The following PKP1 variants were observed in gnomAD, a reference collection of about 807,000 sequenced individuals.
PKP1 encodes the protein plakophilin 1.
In PKP1, 27 loss-of-function variants were observed where a neutral mutation model predicts 76.4. The observed-to-expected ratio is 0.35, with a 90% CI of 0.26 to 0.49. PKP1 has a LOEUF of 0.49. Among genes scored for constraint, PKP1 ranks in the 20% least tolerant of loss-of-function variants. The pLI is 0.99. For synonymous variants in PKP1, 404 were observed against 384.2 expected (o/e 1.05, Z -0.60); for missense variants, 964 against 955.2 (o/e 1.01, Z -0.12).
At chr1:201,324,614 A>G in intron 10 of PKP1, 33 bp downstream of exon 10, 1 of 1,611,938 alleles carries the variant, frequency 6.2e-7, no homozygotes, top group Non-Finnish European at 8.5e-7. Context: ...CCCTCTAGCT[A>G]AGACATGGCA....
At chr1:201,313,007 A>G (rs1656605374) in intron 2 of PKP1, among the ~76,000 whole-genome samples, 159 bp from the exon 3 acceptor site, 1 of 152,222 alleles carries the variant, frequency 6.6e-6, no homozygotes, top group Non-Finnish European at 1.5e-5. Flanking sequence ...TTAGAAAAGT[A>G]ATATATCAGA....
At chr1:201,305,122 G>A (rs553497384) in intron 2 of PKP1, among the ~76,000 whole-genome samples, 40 of 152,126 alleles carry the variant, frequency 2.6e-4, no homozygotes, top group Non-Finnish European at 4.6e-4. Flanking sequence ...GTGTGTGTCC[G>A]TGTGTGTGAG....
chr1:201,318,227 G>T (rs1255085083), intron 5 of PKP1, among the ~76,000 whole-genome samples: 1 of 152,208 alleles, frequency 6.6e-6, no homozygotes, highest in African/African-American at 2.4e-5. Context: ...GGGCTGGGAA[G>T]ATCAGACCAT....
rs1197579736 is a variant in PKP1 at position 201,330,302 on chromosome 1, G to A, written c.*261G>A. On this transcript the variant is annotated 3_prime_UTR_variant, in exon 14 of 14. Transcript: ENST00000367324. The stretch of plus-strand genomic sequence containing the variant: ...TGAGTTAAAGGGGCTTATATGTGAT[G>A]TCAATATTTCTTCCTCTGAGAAATG... 6.6e-6 allele frequency: 1 copy of A among 151,954 alleles called. No individual in the cohort carries two copies. Among genetic ancestry groups the A allele is most frequent in the East Asian group, 1.9e-4 (1 of 5,194 alleles). The allele number at this position is 151,954 out of a possible 1,614,324, so 9.4% of individuals were successfully genotyped here.
At chr1:201,322,209 C>T (rs1056937007) in intron 8 of PKP1, 76 bp downstream of exon 8, 1 of 1,499,140 alleles carries the variant, frequency 6.7e-7, no homozygotes, top group East Asian at 2.3e-5. Context: ...TCTGCCCTTT[C>T]CTCTGGGCCC....
Position 201,284,574 on chromosome 1 carries a change from C to G in PKP1, c.202+670C>G, listed in dbSNP as rs1203523895. On this transcript the variant is annotated intron_variant, in intron 1 of 13. Coordinates refer to ENST00000367324, the MANE Select transcript of PKP1 (RefSeq NM_001005337.3). ...GGCCTGGAACTCCAGGGCACTTTAT[C>G]GAGAGCCTCCTGAAAGAGGCTAGCC... 2.0e-5 allele frequency among the ~76,000 whole-genome samples: 3 copies of G among 152,194 alleles called. No homozygotes were observed. In the South Asian group the frequency reaches 6.2e-4, roughly 32 times the overall value.
At position 201,323,137 on chromosome 1, in the gene PKP1, C is replaced by T; in HGVS notation, c.1628C>T (p.Thr543Ile). 1.9e-6 allele frequency: 3 copies of T among 1,614,134 alleles called. No individual in the cohort carries two copies. Among genetic ancestry groups the T allele is most frequent in the Non-Finnish European group, 2.5e-6 (3 of 1,180,020 alleles). ...ATGGGCAAGAGCAAGAAAGATGCTACCCTGGAGGCCTGTGCTGGTGCCCTG... is the reference window on the plus strand; with the variant it reads ...ATGGGCAAGAGCAAGAAAGATGCTATCCTGGAGGCCTGTGCTGGTGCCCTG... ...NLMGKSKKDATLEACAGALQN... is the reference protein window; with the variant it reads ...NLMGKSKKDAILEACAGALQN... Residue 543 changes from threonine to isoleucine, a missense_variant, in exon 9 of 14, where the codon ACC (threonine) becomes ATC (isoleucine). Physicochemically the swap from Thr to Ile is moderately conservative, Grantham distance 89. Transcript: ENST00000367324.
chr1:201,288,798 A>G lies in PKP1; in HGVS notation c.202+4894A>G, dbSNP rs116515765. Reference sequence around the variant, plus strand: ...TGCTCCCATGCTCTGCCCAGTCCTCAGGCTTGGTGGTGGCCATGAACAGAT... The same window carrying G: ...TGCTCCCATGCTCTGCCCAGTCCTCGGGCTTGGTGGTGGCCATGAACAGAT... On this transcript the variant is annotated intron_variant, in intron 1 of 13. Transcript: ENST00000367324. Among the ~76,000 whole-genome samples, 1,209 of 151,832 alleles carry G rather than the reference A, an allele frequency of 8.0e-3. 18 individuals carry two copies. The highest frequency in any genetic ancestry group is 0.024 in the African/African-American group (1,001 of 41,386).
chr1:201,313,059 T>A (rs1306847014), intron 2 of PKP1, 107 bp from the exon 3 acceptor site: 3 of 1,185,112 alleles, frequency 2.5e-6, no homozygotes, highest in African/African-American at 1.5e-5. Context: ...TCTGGGATTC[T>A]GTAAGCGTTA....
chr1:201,287,644 T>C (rs1655779282), intron 1 of PKP1, among the ~76,000 whole-genome samples: 1 of 152,244 alleles, frequency 6.6e-6, no homozygotes, highest in South Asian at 2.1e-4. Context: ...AGAATTTCCG[T>C]TGGCCTGTTA....
At chr1:201,321,544 A>G (rs1473141349) in intron 7 of PKP1, among the ~76,000 whole-genome samples, 1 of 152,096 alleles carries the variant, frequency 6.6e-6, no homozygotes, top group Non-Finnish European at 1.5e-5. Flanking sequence ...ATCTAGAGGC[A>G]TGGGGCTTCT....
At chr1:201,285,794 TTGTG>T (rs1202099532) in intron 1 of PKP1, among the ~76,000 whole-genome samples, 1 of 152,230 alleles carries the variant, frequency 6.6e-6, no homozygotes, top group African/African-American at 2.4e-5. Context: ...GGCTTGGTCT[TTGTG>T]GGGAACTTCT....
Position 201,318,725 on chromosome 1 carries a change from G to A in PKP1, c.1162G>A (p.Asp388Asn), listed in dbSNP as rs141184851. ...CATCATTCCCTTCTCTGGCTGGTGC[G>A]ATGGCAATAGCAACATGTCCCGGGA... is the stretch of plus-strand genomic sequence containing the variant. Reference protein sequence around the residue: ...RVIIPFSGWCDGNSNMSREVV... With the variant: ...RVIIPFSGWCNGNSNMSREVV... Residue 388 changes from aspartate (D) to asparagine (N), a missense_variant, in exon 6 of 14, where the codon GAT becomes AAT. Transcript: ENST00000367324. The A allele has an allele frequency of 1.7e-5, 27 of 1,611,806 alleles. No individual in the cohort carries two copies. Among genetic ancestry groups the A allele is most frequent in the Middle Eastern group, 2.2e-4 (1 of 4,612 alleles).
At position 201,317,649 on chromosome 1, in the gene PKP1, A is replaced by C. The variant is rs1412087226; in HGVS notation, c.924A>C (p.Ala308=). The C allele has an allele frequency of 6.2e-7, 1 of 1,613,980 alleles. No homozygotes were observed. The highest frequency in any genetic ancestry group is 1.1e-5 in the South Asian group (1 of 91,076). ...SPNQNVQQAA[A]GALRNLVFRS... ...ACCAGAACGTCCAGCAGGCCGCGGC[A>C]GGGGCCCTGCGCAACCTGGTGTTCA... is the stretch of plus-strand genomic sequence containing the variant. The change falls in exon 5 of 14, where the codon GCA becomes GCC. Residue 308 remains alanine, a synonymous_variant. Transcript: ENST00000367324.
chr1:201,308,192 T>TGCTGGG (rs879673221), intron 2 of PKP1, among the ~76,000 whole-genome samples: 1,851 of 152,350 alleles, frequency 0.012, 16 homozygotes, highest in Non-Finnish European at 0.02. Flanking sequence ...CCCCATGCCG[T>TGCTGGG]GCACCGGCAC....
Position 201,328,877 on chromosome 1 carries a change from C to T in PKP1, c.*32+9C>T, listed in dbSNP as rs775506442. 1 of 1,518,586 alleles carries T rather than the reference C, an allele frequency of 6.6e-7. No homozygotes were observed. The highest frequency in any genetic ancestry group is 1.1e-5 in the South Asian group (1 of 89,152). 94.1% of individuals were successfully genotyped at this position (1,518,586 alleles called of 1,614,324 possible). On this transcript the variant is annotated intron_variant, in intron 13 of 13. Coordinates refer to ENST00000367324, the MANE Select transcript of PKP1 (RefSeq NM_001005337.3). ...GCAAGTTAGGCTTGCAGGTAAGAAT[C>T]ACCCCACCCTCAGGGATGCCTCTGG...
At chr1:201,302,017 G>A (rs1189127859) in intron 2 of PKP1, among the ~76,000 whole-genome samples, 1 of 152,196 alleles carries the variant, frequency 6.6e-6, no homozygotes, top group African/African-American at 2.4e-5. Flanking sequence ...TGGATGAGCC[G>A]CAGGTGGTGG....
In PKP1 at chr1:201,283,864, C is replaced by A; in HGVS notation, c.162C>A (p.Ser54=). 1 of 1,614,154 alleles carries A rather than the reference C, an allele frequency of 6.2e-7. No homozygotes were observed. The highest frequency in any genetic ancestry group is 8.5e-7 in the Non-Finnish European group (1 of 1,179,986). Residue 54 remains serine, a synonymous_variant, in exon 1 of 14, where the codon TCC becomes TCA. Coordinates refer to ENST00000367324, the MANE Select transcript of PKP1 (RefSeq NM_001005337.3). ...TGATGACCGTCAAGCGGCAGAAGTC[C>A]AAGTCTTCCCAGTCGTCCACCCTGA... is the stretch of plus-strand genomic sequence containing the variant. ...QVMMTVKRQK[S]KSSQSSTLSH... is the part of the protein sequence containing the mutation.
At chr1:201,308,231 C>T (rs1455434285) in intron 2 of PKP1, among the ~76,000 whole-genome samples, 1 of 152,220 alleles carries the variant, frequency 6.6e-6, no homozygotes, top group Non-Finnish European at 1.5e-5. Context: ...TAGAACGGCC[C>T]TACCTACCGC....
Sources: allele counts gnomAD v4.1 joint callset (sites outside exome capture counted in the v4.1 genomes callset), GRCh38; gene constraint gnomAD v4.1.1; transcripts MANE v1.5; gene names NCBI Gene and HGNC (gene_info 2026-07-23, HGNC 2026-07-21).